Variants in DAP observed in about 807,000 individuals in gnomAD.
DAP encodes the protein death associated protein.
DAP carries 8 observed loss-of-function variants against 13.8 expected under a neutral mutation model. That is an observed-to-expected ratio of 0.58 (90% CI 0.34 to 1.05). The LOEUF is 1.05. Among genes scored for constraint, DAP ranks in the 50% least tolerant of loss-of-function variants. The pLI, the probability that DAP is intolerant of heterozygous loss-of-function variation, is 0.03. For synonymous variants in DAP, 47 were observed against 47.5 expected (o/e 0.99, Z 0.04); for missense variants, 106 against 133.2 (o/e 0.80, Z 1.01).
chr5:10,738,622 A>G (rs1739677670), intron 2 of DAP, among the ~76,000 whole-genome samples: 2 of 152,260 alleles, frequency 1.3e-5, no homozygotes, highest in Non-Finnish European at 2.9e-5. Context: ...AAGATTTTAA[A>G]AAGCTGGATA....
At chr5:10,699,175 T>TCTAC (rs975762417) in intron 2 of DAP, among the ~76,000 whole-genome samples, 17 of 152,178 alleles carry the variant, frequency 1.1e-4, no homozygotes, top group South Asian at 2.1e-4. Context: ...TTTGTTCACA[T>TCTAC]CTACCTACCT....
intron 2 of DAP, among the ~76,000 whole-genome samples, chr5:10,710,541 G>A (rs530786487): frequency 6.6e-6 from 1 of 152,318 alleles, no homozygotes; most frequent in East Asian, 1.9e-4. Flanking sequence ...GAGGCCTCTG[G>A]CATCGGGCCT....
At chr5:10,698,673 TTTCA>T (rs1371946871) in intron 2 of DAP, among the ~76,000 whole-genome samples, 1 of 152,238 alleles carries the variant, frequency 6.6e-6, no homozygotes, top group African/African-American at 2.4e-5. Flanking sequence ...TATTAGTTGG[TTTCA>T]TTCATTTATT....
chr5:10,694,405 C>A (rs994632561), intron 2 of DAP, among the ~76,000 whole-genome samples: 4 of 152,024 alleles, frequency 2.6e-5, no homozygotes, highest in African/African-American at 7.3e-5. Context: ...CACACACACA[C>A]ACACGCACAT....
intron 2 of DAP, among the ~76,000 whole-genome samples, chr5:10,715,785 C>A (rs1404215547): frequency 2.0e-5 from 3 of 152,184 alleles, no homozygotes; most frequent in Non-Finnish European, 4.4e-5. Context: ...CATTCATGCC[C>A]CCTGGCCCTG....
intron 2 of DAP, among the ~76,000 whole-genome samples, chr5:10,717,047 C>T (rs917574138): frequency 6.6e-6 from 1 of 152,208 alleles, no homozygotes; most frequent in Non-Finnish European, 1.5e-5. Flanking sequence ...TGATTCACCG[C>T]TTGTGAGAAG....
At chr5:10,758,002 G>C (rs988724003) in intron 1 of DAP, among the ~76,000 whole-genome samples, 1 of 152,176 alleles carries the variant, frequency 6.6e-6, no homozygotes, top group Non-Finnish European at 1.5e-5. Context: ...GGGCCAGACA[G>C]CAACAAAGAG....
At chr5:10,699,031 G>A (rs1228968513) in intron 2 of DAP, among the ~76,000 whole-genome samples, 2 of 152,186 alleles carry the variant, frequency 1.3e-5, no homozygotes, top group Non-Finnish European at 2.9e-5. Flanking sequence ...AGATAAAAAG[G>A]TGCAGGTTTG....
chr5:10,741,981 G>A (rs975836784), intron 2 of DAP, among the ~76,000 whole-genome samples: 4 of 152,172 alleles, frequency 2.6e-5, no homozygotes, highest in African/African-American at 4.8e-5. Flanking sequence ...TTGAGACTAC[G>A]CAAATATCCT....
At chr5:10,698,301 A>AAG (rs1738481953) in intron 2 of DAP, among the ~76,000 whole-genome samples, 1 of 150,854 alleles carries the variant, frequency 6.6e-6, no homozygotes. Flanking sequence ...AAAAAAAAAA[A>AAG]AAAAAAGAGA....
intron 1 of DAP, among the ~76,000 whole-genome samples, chr5:10,760,374 G>A (rs557241491): frequency 1.3e-5 from 2 of 152,260 alleles, no homozygotes; most frequent in South Asian, 2.1e-4. Flanking sequence ...AAGCATGAAG[G>A]CTGCTTAGAT....
At chr5:10,697,941 C>T (rs551908777) in intron 2 of DAP, among the ~76,000 whole-genome samples, 5 of 152,156 alleles carry the variant, frequency 3.3e-5, no homozygotes, top group Non-Finnish European at 7.3e-5. Flanking sequence ...TGGAAAGTCA[C>T]AGAGCTACGC....
intron 2 of DAP, among the ~76,000 whole-genome samples, chr5:10,691,854 C>T (rs374088414): frequency 7.0e-4 from 106 of 152,322 alleles, no homozygotes; most frequent in African/African-American, 2.3e-3. Context: ...ACCTGATGTC[C>T]GTGCACGTGG....
chr5:10,706,754 A>G (rs1289861719), intron 2 of DAP, among the ~76,000 whole-genome samples: 1 of 152,210 alleles, frequency 6.6e-6, no homozygotes, highest in Non-Finnish European at 1.5e-5. Context: ...CAAATTTAAT[A>G]CATTAAATTG....
intron 2 of DAP, among the ~76,000 whole-genome samples, chr5:10,730,070 C>A (rs1229973581): frequency 6.6e-6 from 1 of 152,220 alleles, no homozygotes; most frequent in Non-Finnish European, 1.5e-5. Flanking sequence ...CCTTCACTGC[C>A]CCTTGCCTTC....
intron 1 of DAP, 91 bp from the exon 2 acceptor site, chr5:10,748,362 T>G: frequency 2.1e-6 from 2 of 945,376 alleles, no homozygotes; most frequent in Non-Finnish European, 3.5e-6. Flanking sequence ...GGTTGCTCAG[T>G]GGCCACAAGT....
intron 2 of DAP, among the ~76,000 whole-genome samples, chr5:10,716,464 T>C (rs182958102): frequency 4.5e-4 from 68 of 152,314 alleles, no homozygotes; most frequent in Non-Finnish European, 8.2e-4. Context: ...TGTGAGGGTG[T>C]TGCCAAAGGA....
intron 2 of DAP, among the ~76,000 whole-genome samples, chr5:10,727,853 CCTT>C: frequency 6.6e-6 from 1 of 152,318 alleles, no homozygotes; most frequent in African/African-American, 2.4e-5. Flanking sequence ...GTGCATATAA[CCTT>C]CACACATCCT....
chr5:10,759,206 T>A (rs62336805), intron 1 of DAP, among the ~76,000 whole-genome samples: 23,785 of 152,142 alleles, frequency 0.16, 2,080 homozygotes, highest in East Asian at 0.32. Context: ...AAAAACTTCT[T>A]TATGGGTGTG....
Sources: allele counts gnomAD v4.1 joint callset (sites outside exome capture counted in the v4.1 genomes callset), GRCh38; gene constraint gnomAD v4.1.1; transcripts MANE v1.5; gene names NCBI Gene and HGNC (gene_info 2026-07-23, HGNC 2026-07-21).